Variants in VDAC1 observed in about 807,000 individuals in gnomAD.
VDAC1 encodes the protein non-selective voltage-gated ion channel VDAC1.
VDAC1 carries 10 observed loss-of-function variants against 34.7 expected under a neutral mutation model. The observed-to-expected ratio is 0.29, with a 90% confidence interval of 0.18 to 0.49. The LOEUF is 0.49. Ranked by LOEUF, VDAC1 falls within the 20% of genes least tolerant of loss-of-function variation. VDAC1 has a pLI of 0.99. For missense variants in VDAC1, 230 were observed against 347.9 expected (o/e 0.66, Z 2.69); for synonymous variants, 130 against 136.0 (o/e 0.96, Z 0.30).
chr5:133,975,851 G>A lies in VDAC1; in HGVS notation c.702+20C>T, dbSNP rs367572285. ...GCAGATGGGCCTGCCTGTGAGATGC[G>A]TGATTCCACAGATACCCACCGAGAA... On this transcript the variant is annotated intron_variant, in intron 7 of 8. Transcript: ENST00000265333. 4.8e-4 allele frequency: 777 copies of A among 1,608,886 alleles called. No homozygotes were observed. Among genetic ancestry groups the A allele is most frequent in the South Asian group, 1.5e-3 (139 of 90,788 alleles).
chr5:133,974,174 G>A (rs774850874), intron 7 of VDAC1, among the ~76,000 whole-genome samples: 2 of 152,136 alleles, frequency 1.3e-5, no homozygotes, highest in Non-Finnish European at 2.9e-5. Context: ...GCTGTTAAGG[G>A]AGCCAAATTC....
the VDAC1 span, among the ~76,000 whole-genome samples, chr5:134,098,909 G>T: frequency 2.6e-5 from 4 of 152,222 alleles, no homozygotes; most frequent in Non-Finnish European, 5.9e-5. Flanking sequence ...ATGTTTGAAG[G>T]CCTGTAATTT....
At chr5:134,113,186 C>T in the VDAC1 span, among the ~76,000 whole-genome samples, 1 of 152,218 alleles carries the variant, frequency 6.6e-6, no homozygotes, top group African/African-American at 2.4e-5. Context: ...TGGGAAGAGG[C>T]TGGGGAGACC....
At chr5:133,985,198 T>C (rs1752860841) in intron 5 of VDAC1, among the ~76,000 whole-genome samples, 1 of 152,226 alleles carries the variant, frequency 6.6e-6, no homozygotes, top group Admixed American at 6.5e-5. Context: ...TTTCTTTGGC[T>C]GCTCAGCTCC....
At chr5:134,006,497 CT>C, upstream of VDAC1, among the ~76,000 whole-genome samples, 1 of 152,264 alleles carries the variant, frequency 6.6e-6, no homozygotes, top group East Asian at 1.9e-4. Context: ...AATCCTAGTA[CT>C]TTGGGAGGCC....
the VDAC1 span, among the ~76,000 whole-genome samples, chr5:134,053,278 C>G: frequency 6.6e-6 from 1 of 152,216 alleles, no homozygotes; most frequent in Non-Finnish European, 1.5e-5. Context: ...CCATGCCACT[C>G]GCCTGGTCAC....
At chr5:134,089,221 A>G in the VDAC1 span, among the ~76,000 whole-genome samples, 1 of 152,170 alleles carries the variant, frequency 6.6e-6, no homozygotes, top group Non-Finnish European at 1.5e-5. Context: ...ATAGGGGCAC[A>G]CCCCAGGCTC....
the VDAC1 span, among the ~76,000 whole-genome samples, chr5:134,042,254 G>T: frequency 6.0e-4 from 91 of 152,252 alleles, no homozygotes; most frequent in African/African-American, 2.2e-3. Context: ...GTGGGCTTGG[G>T]GGGGACCAGG....
intron 1 of VDAC1, among the ~76,000 whole-genome samples, chr5:133,995,282 T>C (rs922266195): frequency 1.1e-4 from 16 of 152,140 alleles, no homozygotes; most frequent in African/African-American, 3.9e-4. Flanking sequence ...AACACAACCA[T>C]GTAGTTGGTA....
At chr5:133,993,144 C>T in intron 1 of VDAC1, 126 bp from the exon 2 acceptor site, 1 of 982,104 alleles carries the variant, frequency 1.0e-6, no homozygotes. Context: ...TACCAGGTAG[C>T]TTATCCTCCC....
chr5:133,985,897 C>T (rs1370421078), intron 5 of VDAC1, among the ~76,000 whole-genome samples: 1 of 152,240 alleles, frequency 6.6e-6, no homozygotes, highest in Non-Finnish European at 1.5e-5. Context: ...GGCAGGGCCT[C>T]TGACCAGTGG....
chr5:134,042,810 G>A, the VDAC1 span, among the ~76,000 whole-genome samples: 6 of 152,086 alleles, frequency 3.9e-5, no homozygotes, highest in African/African-American at 1.4e-4. Flanking sequence ...ATGGGAGTTC[G>A]GCCAGGCACC....
intron 5 of VDAC1, among the ~76,000 whole-genome samples, chr5:133,986,216 G>A (rs1283771478): frequency 1.3e-5 from 2 of 152,118 alleles, no homozygotes; most frequent in African/African-American, 4.8e-5. Flanking sequence ...GGTCCTTATT[G>A]AGGTCTGTGG....
At position 133,972,875 on chromosome 5, in the gene VDAC1, A is replaced by G. The variant is rs1402842878; in HGVS notation, c.761-13T>C. ...GTCAGTTTAATACCTGCAGGGAGAA[A>G]AATGAGGGAGAGGAAAGGAGGAGGA... On this transcript the variant is annotated splice_polypyrimidine_tract_variant and intron_variant, in intron 8 of 8. Coordinates refer to ENST00000265333, the MANE Select transcript of VDAC1 (RefSeq NM_003374.3). 4.4e-6 allele frequency: 7 copies of G among 1,604,806 alleles called. No individual in the cohort carries two copies. The highest frequency in any genetic ancestry group is 6.0e-6 in the Non-Finnish European group (7 of 1,173,396).
the VDAC1 span, among the ~76,000 whole-genome samples, chr5:134,036,510 A>C: frequency 6.6e-6 from 1 of 151,994 alleles, no homozygotes; most frequent in Non-Finnish European, 1.5e-5. Flanking sequence ...GGACTAAAAC[A>C]CCAACCAGAA....
At chr5:134,039,572 G>T in the VDAC1 span, among the ~76,000 whole-genome samples, 202 of 152,154 alleles carry the variant, frequency 1.3e-3, no homozygotes, top group South Asian at 5.2e-3. Context: ...CTCGTGATCC[G>T]CCCGCCTTGG....
the VDAC1 span, among the ~76,000 whole-genome samples, chr5:134,067,726 A>G: frequency 2.0e-5 from 3 of 151,146 alleles, no homozygotes; most frequent in East Asian, 5.8e-4. Context: ...GAGAAGGAGA[A>G]GGAGACAGAA....
chr5:134,111,092 C>A, the VDAC1 span, among the ~76,000 whole-genome samples: 2 of 152,162 alleles, frequency 1.3e-5, no homozygotes, highest in Non-Finnish European at 2.9e-5. Context: ...GCAGGGCAGG[C>A]CTGCGTATGA....
chr5:134,027,413 C>T, the VDAC1 span, among the ~76,000 whole-genome samples: 1 of 152,180 alleles, frequency 6.6e-6, no homozygotes, highest in African/African-American at 2.4e-5. Flanking sequence ...CTGGAGAGAA[C>T]ATGGGGGACA....
Sources: gnomAD v4.1 joint callset for allele counts (sites outside exome capture counted in the v4.1 genomes callset) on GRCh38, gnomAD v4.1.1 for gene constraint, MANE v1.5 for transcripts, NCBI Gene and HGNC (gene_info 2026-07-23, HGNC 2026-07-21) for gene names.